Variants in USP9X observed in about 807,000 individuals in gnomAD.
The protein encoded by USP9X is ubiquitin carboxyl-terminal hydrolase 9X.
In USP9X, 7 loss-of-function variants were observed where a neutral mutation model predicts 190.3. The ratio of observed to expected loss-of-function variants is 0.04; its 90% CI spans 0.02 to 0.07. The LOEUF (loss-of-function observed/expected upper bound fraction) is 0.07, where lower values mean the gene tolerates loss of function less well. Among genes scored for constraint, USP9X ranks in the 10% least tolerant of loss-of-function variants. The pLI is 1.00. For missense variants in USP9X, 1,010 were observed against 1,916.9 expected (o/e 0.53, Z 8.83); for synonymous variants, 645 against 659.5 (o/e 0.98, Z 0.34).
intron 21 of USP9X, among the ~76,000 whole-genome samples, chrX:41,180,780 T>G (rs1259706517): frequency 2.7e-5 from 3 of 112,166 alleles, no homozygotes; most frequent in African/African-American, 9.7e-5. Context: ...TTCCTTTTCT[T>G]AGAGCTCCTG....
intron 36 of USP9X, among the ~76,000 whole-genome samples, chrX:41,217,594 A>C (rs1161971178): frequency 8.9e-6 from 1 of 111,760 alleles, no homozygotes; most frequent in Non-Finnish European, 1.9e-5. Context: ...ACCAAAGACT[A>C]CAAGCTGAGA....
chrX:41,151,145 T>C lies in USP9X; in HGVS notation c.1763+88T>C, dbSNP rs761659553. 3 of 958,824 alleles carry C rather than the reference T, an allele frequency of 3.1e-6. No homozygotes were observed. In the African/African-American group the frequency reaches 5.9e-5, roughly 19 times the overall value. 79.0% of individuals were successfully genotyped at this position (958,824 alleles called of 1,213,427 possible). A position where few individuals can be genotyped will look rare whatever the true frequency, so the allele number is the denominator to read the frequency against. ...CAGCATATTGGCTGGCAAATGCAAATTTTTAAATTAGTGGAGTGAGAAGAG... is the reference window on the plus strand; with the variant it reads ...CAGCATATTGGCTGGCAAATGCAAACTTTTAAATTAGTGGAGTGAGAAGAG... On this transcript the variant is annotated intron_variant, in intron 13 of 44. Coordinates refer to ENST00000378308, the MANE Select transcript of USP9X (RefSeq NM_001039591.3).
intron 38 of USP9X, among the ~76,000 whole-genome samples, chrX:41,221,198 G>A (rs2063260532): frequency 9.0e-6 from 1 of 110,798 alleles, no homozygotes. Flanking sequence ...GAAGGCGGAG[G>A]TTGCAGTGAG....
intron 14 of USP9X, among the ~76,000 whole-genome samples, chrX:41,162,538 C>T (rs190800425): frequency 1.8e-5 from 2 of 112,000 alleles, no homozygotes; most frequent in African/African-American, 6.5e-5. Flanking sequence ...GAAGGTTGCA[C>T]GAAGGGGTTG....
intron 14 of USP9X, among the ~76,000 whole-genome samples, chrX:41,161,555 C>T (rs2062631496): frequency 9.7e-6 from 1 of 103,485 alleles, no homozygotes; most frequent in Admixed American, 1.1e-4. Context: ...AAGCTGGTCT[C>T]GAACTCCTGA....
rs1250594046 is a variant in USP9X at position 41,142,528 on chromosome X, A to G, written c.1162-763A>G. ...AATAACATAAAAACAAATATCTGCA[A>G]CAGATTAGACATTAAAAACTGGCTC... On this transcript the variant is annotated intron_variant, in intron 9 of 44. Transcript: ENST00000378308. Among the ~76,000 whole-genome samples, 5 of 111,822 alleles carry G rather than the reference A, an allele frequency of 4.5e-5. No individual in the cohort carries two copies. The Admixed American group carries it at 4.8e-4, about 11-fold the overall frequency.
chrX:41,129,008 G>A lies in USP9X; in HGVS notation c.105G>A (p.Ser35=). ...QPPLQQNQTS[S]PDSSNENSPA... ...TTTAATTTTTAATTAAGACTTCATC[G>A]CCTGATTCTTCCAATGAAAATTCCC... The change falls in exon 3 of 45, where the codon TCG becomes TCA. Residue 35 remains serine, a synonymous_variant. Coordinates refer to ENST00000378308, the MANE Select transcript of USP9X (RefSeq NM_001039591.3). 2 of 1,209,080 alleles carry A rather than the reference G, an allele frequency of 1.7e-6. No homozygotes were observed. The highest frequency in any genetic ancestry group is 2.3e-4 in the Middle Eastern group (1 of 4,350).
At chrX:41,196,075 T>G in intron 26 of USP9X, 176 bp from the exon 27 acceptor site, 1 of 527,365 alleles carries the variant, frequency 1.9e-6, no homozygotes, top group Non-Finnish European at 3.3e-6. Flanking sequence ...AGTTCATGTA[T>G]TATGTGGTGT....
intron 1 of USP9X, among the ~76,000 whole-genome samples, chrX:41,120,776 G>A (rs1042761863): frequency 9.1e-6 from 1 of 110,170 alleles, no homozygotes; most frequent in African/African-American, 3.3e-5. Flanking sequence ...GGGATTACAA[G>A]CGTGAGCTAC....
In USP9X at chrX:41,173,248, G is replaced by A. The variant is rs2062743407; in HGVS notation, c.3148+1290G>A. ...AAATTTCAAGACCTTTGTCTCCTTA[G>A]TGATCCTTTTCCATATACAGGATTT... On this transcript the variant is annotated intron_variant, in intron 21 of 44. Transcript: ENST00000378308. Among the ~76,000 whole-genome samples the A allele has an allele frequency of 2.7e-5, 3 of 111,032 alleles. No individual in the cohort carries two copies. The Admixed American group carries it at 2.9e-4, about 11-fold the overall frequency.
chrX:41,208,739 G>A (rs750393916), intron 32 of USP9X, among the ~76,000 whole-genome samples: 5 of 109,084 alleles, frequency 4.6e-5, no homozygotes, highest in African/African-American at 1.7e-4. Flanking sequence ...ATGGAGTCTC[G>A]CTCTGTCGCC....
chrX:41,125,643 A>AACACACACACACACACACAC (rs748348083), intron 2 of USP9X, among the ~76,000 whole-genome samples: 5 of 27,701 alleles, frequency 1.8e-4, no homozygotes, highest in African/African-American at 4.6e-4. Flanking sequence ...CCCTCCCGCC[A>AACACACACACACACACACAC]ACACACACAC....
At chrX:41,098,782 C>G (rs2062011828) in intron 1 of USP9X, among the ~76,000 whole-genome samples, 1 of 109,370 alleles carries the variant, frequency 9.1e-6, no homozygotes, top group Admixed American at 9.8e-5. Context: ...TCTCGAACTG[C>G]TGACTGCCTG....
chrX:41,177,464 A>G (rs1031128337), intron 21 of USP9X, among the ~76,000 whole-genome samples: 10 of 112,069 alleles, frequency 8.9e-5, no homozygotes, highest in East Asian at 2.8e-4. Flanking sequence ...ACAGAGTACT[A>G]CTTGTATGTT....
At chrX:41,095,036 T>G (rs1435921276) in intron 1 of USP9X, among the ~76,000 whole-genome samples, 1 of 99,846 alleles carries the variant, frequency 1.0e-5, no homozygotes, top group Non-Finnish European at 2.0e-5. Flanking sequence ...AGAGCGAGAC[T>G]CCGTCTCAAA....
Position 41,232,266 on chromosome X carries a change from G to C in USP9X, c.7528-121G>C, listed in dbSNP as rs1239512338. The C allele has an allele frequency of 7.8e-6, 6 of 772,218 alleles. No individual in the cohort carries two copies. In the East Asian group the frequency reaches 1.8e-4, roughly 23 times the overall value. 63.6% of individuals were successfully genotyped at this position (772,218 alleles called of 1,213,427 possible). A position where few individuals can be genotyped will look rare whatever the true frequency, so the allele number is the denominator to read the frequency against. On this transcript the variant is annotated intron_variant, in intron 44 of 44. Transcript: ENST00000378308. Reference sequence around the variant, plus strand: ...TTGTTTTGCACTATAGTAGTCCAAGGGTATTTACAGAGTAAGTCCCAAGAA... The same window carrying C: ...TTGTTTTGCACTATAGTAGTCCAAGCGTATTTACAGAGTAAGTCCCAAGAA...
chrX:41,111,910 A>G (rs1470973785), intron 1 of USP9X, among the ~76,000 whole-genome samples: 1 of 107,362 alleles, frequency 9.3e-6, no homozygotes, highest in Non-Finnish European at 1.9e-5. Context: ...CGGTGGCACA[A>G]TCTTGGCTCA....
chrX:41,136,872 T>A lies in USP9X; in HGVS notation c.504T>A (p.Phe168Leu). 1 of 1,211,715 alleles carries A rather than the reference T, an allele frequency of 8.3e-7. No individual in the cohort carries two copies. Among genetic ancestry groups the A allele is most frequent in the Non-Finnish European group, 1.1e-6 (1 of 895,400 alleles). Residue 168 changes from phenylalanine (F) to leucine (L), a missense_variant, in exon 6 of 45, where the codon TTT (phenylalanine) becomes TTA (leucine). By Grantham distance (22) the Phe-to-Leu change is conservative. This residue lies in a region of USP9X where 176 missense variants were observed against 247.5 expected (regional missense o/e 0.71). Coordinates refer to ENST00000378308, the MANE Select transcript of USP9X (RefSeq NM_001039591.3). ...TGGCCAAGTTGTCCCAAGACTGGTT[T>A]CCACTTTTAGAACTTCTTGCCATGG... Reference protein sequence around the residue: ...LCVAKLSQDWFPLLELLAMAL... With the variant: ...LCVAKLSQDWLPLLELLAMAL...
At chrX:41,220,494 A>G (rs147467883) in intron 38 of USP9X, among the ~76,000 whole-genome samples, 260 of 112,597 alleles carry the variant, frequency 2.3e-3, no homozygotes, top group Middle Eastern at 0.023. Flanking sequence ...ATATACCAAC[A>G]TCTCTATAGC....
Sources: allele counts gnomAD v4.1 joint callset (sites outside exome capture counted in the v4.1 genomes callset), GRCh38; gene constraint gnomAD v4.1.1; regional missense constraint gnomAD v4.1.1; transcripts MANE v1.5; gene names NCBI Gene and HGNC (gene_info 2026-07-23, HGNC 2026-07-21).